ARID2: variants seen among roughly 807,000 people sequenced by gnomAD.
ARID2 encodes AT-rich interactive domain-containing protein 2.
In ARID2, 32 loss-of-function variants were observed where a neutral mutation model predicts 184.6. The ratio of observed to expected loss-of-function variants is 0.17; its 90% confidence interval spans 0.13 to 0.23. The LOEUF (loss-of-function observed/expected upper bound fraction) is 0.23, where lower values mean the gene tolerates loss of function less well. Among genes scored for constraint, ARID2 ranks in the 10% least tolerant of loss-of-function variants. The pLI is 1.00. For synonymous variants in ARID2, 836 were observed against 772.6 expected (o/e 1.08, Z -1.36); for missense variants, 1,696 against 2,197.6 (o/e 0.77, Z 4.56).
At chr12:45,774,533 A>G (rs1941939413) in intron 3 of ARID2, among the ~76,000 whole-genome samples, 1 of 152,034 alleles carries the variant, frequency 6.6e-6, no homozygotes, top group African/African-American at 2.4e-5. Flanking sequence ...ATGTGTGTAC[A>G]TGTTTGTGTG....
intron 16 of ARID2, among the ~76,000 whole-genome samples, chr12:45,867,176 C>T (rs1417330988): frequency 2.0e-5 from 3 of 151,970 alleles, no homozygotes; most frequent in South Asian, 2.1e-4. Context: ...GTCTTGAACT[C>T]CTGACCTCCT....
In ARID2 at chr12:45,768,370, C is replaced by G. The variant is rs1332754353; in HGVS notation, c.284+37056C>G. Among the ~76,000 whole-genome samples the G allele has an allele frequency of 2.6e-5, 4 of 152,202 alleles. No individual in the cohort carries two copies. The East Asian group carries it at 7.7e-4, about 29-fold the overall frequency. On this transcript the variant is annotated intron_variant, in intron 3 of 20. Coordinates refer to ENST00000334344, the MANE Select transcript of ARID2 (RefSeq NM_152641.4). Reference sequence around the variant, plus strand: ...ACCCATGCCCCAGCTTGTAATCCAGCAGTTCCACATTGGGAGAGGCAAGTT... The same window carrying G: ...ACCCATGCCCCAGCTTGTAATCCAGGAGTTCCACATTGGGAGAGGCAAGTT...
chr12:45,869,560 A>G (rs1943886555), intron 16 of ARID2, among the ~76,000 whole-genome samples: 1 of 151,982 alleles, frequency 6.6e-6, no homozygotes, highest in South Asian at 2.1e-4. Flanking sequence ...TGTTTTCTAT[A>G]TTTATACTTC....
chr12:45,814,309 TTAAATTTG>T (rs1221872930), intron 4 of ARID2, among the ~76,000 whole-genome samples: 4 of 152,210 alleles, frequency 2.6e-5, no homozygotes, highest in Non-Finnish European at 5.9e-5. Context: ...CTGCCTCAGA[TTAAATTTG>T]TCAGTAGTGA....
At chr12:45,759,868 T>C (rs1230969274) in intron 3 of ARID2, among the ~76,000 whole-genome samples, 1 of 152,164 alleles carries the variant, frequency 6.6e-6, no homozygotes, top group African/African-American at 2.4e-5. Flanking sequence ...TAAGTGCATA[T>C]AAAAATAAGG....
At chr12:45,894,203 G>T (rs1002818652) in intron 20 of ARID2, among the ~76,000 whole-genome samples, 27 of 152,174 alleles carry the variant, frequency 1.8e-4, no homozygotes, top group Non-Finnish European at 3.5e-4. Context: ...GGATTTTGTA[G>T]ATCTACAGAA....
At chr12:45,891,756 G>T in intron 16 of ARID2, 24 bp from the exon 17 acceptor site, 1 of 1,607,702 alleles carries the variant, frequency 6.2e-7, no homozygotes, top group South Asian at 1.1e-5. Context: ...ACATCCAAGT[G>T]TCTACTACTT....
intron 4 of ARID2, among the ~76,000 whole-genome samples, chr12:45,815,163 C>T (rs1050763426): frequency 6.6e-6 from 1 of 151,972 alleles, no homozygotes; most frequent in Non-Finnish European, 1.5e-5. Context: ...ACATTTTTTT[C>T]TATTCAGATT....
intron 3 of ARID2, among the ~76,000 whole-genome samples, chr12:45,742,027 C>T (rs1235491838): frequency 6.6e-6 from 1 of 152,172 alleles, no homozygotes; most frequent in Non-Finnish European, 1.5e-5. Flanking sequence ...TCCTAGTTCT[C>T]TACAATAGTA....
rs1943529824 is a variant in ARID2, at chr12:45,850,615, C to G, written c.2492C>G (p.Thr831Ser). 6.2e-7 allele frequency: 1 copy of G among 1,614,148 alleles called. No homozygotes were observed. The highest frequency in any genetic ancestry group is 8.5e-7 in the Non-Finnish European group (1 of 1,180,004). Residue 831 changes from threonine (T) to serine (S), a missense_variant, in exon 15 of 21, where the codon ACT becomes AGT. Coordinates refer to ENST00000334344, the MANE Select transcript of ARID2 (RefSeq NM_152641.4). ...ACCACATCACCCCAACCTGTGCAAA[C>G]TTCATCTCAACAGACATCAGCTGGT... Reference protein sequence around the residue: ...LITTSPQPVQTSSQQTSAGSQ... With the variant: ...LITTSPQPVQSSSQQTSAGSQ...
At chr12:45,805,112 T>G (rs1363451762) in intron 3 of ARID2, among the ~76,000 whole-genome samples, 1 of 152,074 alleles carries the variant, frequency 6.6e-6, no homozygotes, top group Non-Finnish European at 1.5e-5. Context: ...TCCAGTTGGT[T>G]TTATTTTAGG....
rs762144914 is a variant in ARID2 at position 45,851,055 on chromosome 12, C to T, written c.2932C>T (p.Pro978Ser). Residue 978 changes from proline to serine, a missense_variant, in exon 15 of 21, where the codon CCA becomes TCA. Pro to Ser is a moderately conservative substitution (Grantham distance 74). Around this residue, in one of 11 missense-constraint regions of ARID2, gnomAD observed 713 missense variants for 824.4 expected, o/e 0.86. Transcript: ENST00000334344. ...TCCATCTTCTTCACCATCACCTGTC[C>T]CAGCTACTAATAACCAAGTCCCTAC... Reference protein sequence around the residue: ...ITPSSSPSPVPATNNQVPTAM... With the variant: ...ITPSSSPSPVSATNNQVPTAM... 1 of 1,614,148 alleles carries T rather than the reference C, an allele frequency of 6.2e-7. No homozygotes were observed. The highest frequency in any genetic ancestry group is 8.5e-7 in the Non-Finnish European group (1 of 1,180,014).
chr12:45,802,529 T>C (rs1942524718), intron 3 of ARID2, among the ~76,000 whole-genome samples: 1 of 152,194 alleles, frequency 6.6e-6, no homozygotes, highest in African/African-American at 2.4e-5. Flanking sequence ...TCACCTTTAT[T>C]GTAACGGGTA....
intron 11 of ARID2, chr12:45,841,998 C>G (rs983350899): frequency 6.6e-6 from 1 of 151,964 alleles, no homozygotes; most frequent in Non-Finnish European, 1.5e-5. Context: ...TGGCTTACAC[C>G]TATAATCCCA....
intron 3 of ARID2, among the ~76,000 whole-genome samples, chr12:45,771,272 C>T (rs574052542): frequency 9.9e-5 from 15 of 151,248 alleles, no homozygotes; most frequent in Non-Finnish European, 1.8e-4. Flanking sequence ...GCAGGAGAAT[C>T]GCTTGAGCCC....
chr12:45,855,458 A>T (rs1276655983), intron 15 of ARID2, among the ~76,000 whole-genome samples: 3 of 152,234 alleles, frequency 2.0e-5, no homozygotes, highest in Non-Finnish European at 4.4e-5. Flanking sequence ...AATGAGAATA[A>T]CAAAAACAGC....
At chr12:45,814,484 T>C (rs887035223) in intron 4 of ARID2, among the ~76,000 whole-genome samples, 1 of 152,216 alleles carries the variant, frequency 6.6e-6, no homozygotes, top group East Asian at 1.9e-4. Context: ...ACCCTGTTTC[T>C]ACTAAAAATA....
intron 3 of ARID2, among the ~76,000 whole-genome samples, chr12:45,786,860 G>A (rs1301949171): frequency 1.3e-5 from 2 of 152,148 alleles, no homozygotes; most frequent in Non-Finnish European, 2.9e-5. Context: ...TGATCCTGGA[G>A]GACGTTAAGT....
chr12:45,838,303 A>G (rs930987747), intron 10 of ARID2, among the ~76,000 whole-genome samples: 9 of 152,222 alleles, frequency 5.9e-5, no homozygotes, highest in African/African-American at 2.2e-4. Flanking sequence ...TTAACGTTTT[A>G]CTTGGTGATT....
Sources: gnomAD v4.1 joint callset for allele counts (sites outside exome capture counted in the v4.1 genomes callset) on GRCh38, gnomAD v4.1.1 for gene constraint, gnomAD v4.1.1 regional missense constraint, MANE v1.5 for transcripts, NCBI Gene and HGNC (gene_info 2026-07-23, HGNC 2026-07-21) for gene names.